TOGARAM2: variants seen among roughly 807,000 people sequenced by gnomAD.
TOGARAM2 encodes TOG array regulator of axonemal microtubules protein 2.
In TOGARAM2, 85 loss-of-function variants were observed where a neutral mutation model predicts 93.3. The observed-to-expected ratio is 0.91, with a 90% CI of 0.76 to 1.09. TOGARAM2 has a LOEUF of 1.09. Among genes scored for constraint, TOGARAM2 ranks in the 50% least tolerant of loss-of-function variants. The probability of loss-of-function intolerance (pLI) is 0.00; values close to 1 mark genes in which losing one functional copy is unlikely to be tolerated. For synonymous variants in TOGARAM2, 593 were observed against 552.8 expected, an observed-to-expected ratio of 1.07 and a Z score of -1.02; for missense variants, 1,277 against 1,334.5, an observed-to-expected ratio of 0.96 and a Z score of 0.67.
chr2:28,990,975 G>GTA (rs1354590352), intron 1 of TOGARAM2, among the ~76,000 whole-genome samples: 1 of 145,518 alleles, frequency 6.9e-6, no homozygotes, highest in African/African-American at 2.6e-5. Flanking sequence ...ACATGCGAGT[G>GTA]TGTGTGTGTG....
chr2:29,003,523 A>G lies in TOGARAM2; in HGVS notation c.671A>G (p.Asn224Ser), dbSNP rs80120243. Residue 224 changes from asparagine (N) to serine (S), a missense_variant, in exon 6 of 20, where the codon AAT becomes AGT. Asn to Ser is a conservative substitution (Grantham distance 46). Transcript: ENST00000379558. ...ATCTCCTGGCAATACCTGCACTGCA[A>G]TGATGAGAAGATGCAGAAGTCCCTG... ...AQISWQYLHC[N>S]DEKMQKSLGA... 0.011 allele frequency: 17,643 copies of G among 1,583,976 alleles called. 863 individuals are homozygous for G. The East Asian group carries it at 0.18, about 16-fold the overall frequency.
At chr2:28,970,840 T>C (rs1671939499) in intron 1 of TOGARAM2, 1 of 152,240 alleles carries the variant, frequency 6.6e-6, no homozygotes, top group Admixed American at 6.5e-5. Flanking sequence ...TTGATTTATA[T>C]CCATGGTAAC....
chr2:28,969,033 T>A (rs1572617484), intron 1 of TOGARAM2, among the ~76,000 whole-genome samples: 1 of 152,038 alleles, frequency 6.6e-6, no homozygotes, highest in East Asian at 1.9e-4. Flanking sequence ...AAGATCAGCA[T>A]GAGAGGAAGA....
intron 7 of TOGARAM2, among the ~76,000 whole-genome samples, 188 bp downstream of exon 7, chr2:29,011,689 G>A (rs1179710855): frequency 6.6e-6 from 1 of 152,162 alleles, no homozygotes; most frequent in Non-Finnish European, 1.5e-5. Flanking sequence ...GGCGAGGTGT[G>A]GAAGAGAAGT....
intron 4 of TOGARAM2, among the ~76,000 whole-genome samples, chr2:29,000,426 A>G (rs1456334702): frequency 6.6e-6 from 1 of 152,130 alleles, no homozygotes; most frequent in African/African-American, 2.4e-5. Flanking sequence ...GACACTATTA[A>G]TAATACTTCT....
rs1427647387 is a variant in TOGARAM2, at chr2:29,001,108, T to C, written c.428-1428T>C. Among the ~76,000 whole-genome samples, 3 of 152,100 alleles carry C rather than the reference T, an allele frequency of 2.0e-5. No homozygotes were observed. In the East Asian group the frequency reaches 5.8e-4, roughly 29 times the overall value. ...GCAGTGCTGGGGCTGCTCTGGCCCC[T>C]GCATTGAGGCTGAGTTGACTCCTCT... On this transcript the variant is annotated intron_variant, in intron 4 of 19. Transcript: ENST00000379558.
In TOGARAM2 at chr2:29,046,330, C is replaced by T. The variant is rs532241612; in HGVS notation, c.2722+920C>T. On this transcript the variant is annotated intron_variant, in intron 19 of 19. Coordinates refer to ENST00000379558, the MANE Select transcript of TOGARAM2 (RefSeq NM_199280.4). ...CCACACACCCATCTGCCACCACCAG[C>T]CCTGACCTTGGGCAGGTTACTTATC... 12 of 152,396 alleles carry T rather than the reference C, an allele frequency of 7.9e-5. No individual in the cohort carries two copies. The East Asian group carries it at 2.3e-3, about 29-fold the overall frequency. 9.4% of individuals were successfully genotyped at this position (152,396 alleles called of 1,614,324 possible).
chr2:29,026,676 G>C (rs143854928), intron 13 of TOGARAM2, among the ~76,000 whole-genome samples, 177 bp from the exon 14 acceptor site: 1 of 152,304 alleles, frequency 6.6e-6, no homozygotes, highest in Non-Finnish European at 1.5e-5. Flanking sequence ...CACCCTGTTC[G>C]TAGAAAGTGA....
At chr2:29,032,876 CA>C (rs1665853249) in intron 14 of TOGARAM2, 57 bp from the exon 15 acceptor site, 5 of 1,452,332 alleles carry the variant, frequency 3.4e-6, no homozygotes, top group Non-Finnish European at 4.7e-6. Flanking sequence ...AGCTGTAAAG[CA>C]AATTTATTTT....
At chr2:29,040,412 C>T (rs1666361307) in intron 18 of TOGARAM2, among the ~76,000 whole-genome samples, 1 of 152,194 alleles carries the variant, frequency 6.6e-6, no homozygotes, top group South Asian at 2.1e-4. Flanking sequence ...CCATTATTAA[C>T]ATTTGGCATT....
chr2:28,975,492 G>A (rs60206408), intron 1 of TOGARAM2, among the ~76,000 whole-genome samples: 23,378 of 151,996 alleles, frequency 0.15, 2,880 homozygotes, highest in East Asian at 0.61. Flanking sequence ...GAGCCACTGC[G>A]CCCGGCCGAG....
chr2:29,002,847 T>C, intron 5 of TOGARAM2, 100 bp downstream of exon 5: 1 of 1,125,972 alleles, frequency 8.9e-7, no homozygotes, highest in Non-Finnish European at 1.3e-6. Flanking sequence ...CTCCATGCCC[T>C]GAGCATCCCT....
In TOGARAM2 at chr2:29,017,882, A is replaced by G. The variant is rs1171406722; in HGVS notation, c.1286A>G (p.Lys429Arg). Residue 429 changes from lysine to arginine, a missense_variant, in exon 10 of 20, where the codon AAG becomes AGG. Transcript: ENST00000379558. ...AACGACGTCAGCATCATCCTGAGGA[A>G]GTGGGCCAGCCGGGCCTCCCTGCCC... is the stretch of plus-strand genomic sequence containing the variant. ...CRNDVSIILR[K>R]WASRASLPSI... 4 of 1,612,986 alleles carry G rather than the reference A, an allele frequency of 2.5e-6. No homozygotes were observed. In the African/African-American group the frequency reaches 5.3e-5, roughly 22 times the overall value.
chr2:28,974,882 T>G (rs1672001492), intron 1 of TOGARAM2, among the ~76,000 whole-genome samples: 1 of 152,032 alleles, frequency 6.6e-6, no homozygotes, highest in Admixed American at 6.6e-5. Context: ...CCTCCCACCT[T>G]GGCCTCCCAA....
At chr2:29,004,027 A>T (rs923011180) in intron 6 of TOGARAM2, among the ~76,000 whole-genome samples, 4 of 152,098 alleles carry the variant, frequency 2.6e-5, no homozygotes, top group African/African-American at 9.7e-5. Context: ...ATGGAGTCTC[A>T]CTCTGTCGCC....
At chr2:29,014,922 C>T (rs979220399) in intron 8 of TOGARAM2, among the ~76,000 whole-genome samples, 4 of 152,100 alleles carry the variant, frequency 2.6e-5, no homozygotes, top group South Asian at 2.1e-4. Flanking sequence ...AACTGCGCTG[C>T]GTGGTTTGAA....
At chr2:29,006,148 T>C (rs1412664918) in intron 6 of TOGARAM2, among the ~76,000 whole-genome samples, 2 of 145,704 alleles carry the variant, frequency 1.4e-5, no homozygotes, top group East Asian at 2.1e-4. Flanking sequence ...AGCATGCATG[T>C]GCGTAAGTAC....
chr2:29,029,998 G>T (rs776384361), intron 14 of TOGARAM2, among the ~76,000 whole-genome samples: 2 of 152,190 alleles, frequency 1.3e-5, no homozygotes, highest in Admixed American at 1.3e-4. Context: ...GCCTGGCTGG[G>T]TGCAGTGGCT....
intron 1 of TOGARAM2, among the ~76,000 whole-genome samples, chr2:28,983,194 A>ATG (rs1672294993): frequency 2.1e-5 from 1 of 48,518 alleles, no homozygotes; most frequent in Non-Finnish European, 4.5e-5. Flanking sequence ...ATATATATAT[A>ATG]TATATTTTTT....
Sources: allele counts gnomAD v4.1 joint callset (sites outside exome capture counted in the v4.1 genomes callset), GRCh38; gene constraint gnomAD v4.1.1; transcripts MANE v1.5; gene names NCBI Gene and HGNC (gene_info 2026-07-23, HGNC 2026-07-21).